ELAVL3: variants seen among roughly 807,000 people sequenced by gnomAD.
ELAVL3 encodes the protein ELAV-like protein 3.
ELAVL3 carries 8 observed loss-of-function variants against 34.2 expected under a neutral mutation model. The observed-to-expected ratio is 0.23, with a 90% confidence interval of 0.14 to 0.42. The LOEUF is 0.42. ELAVL3 is among the 10% of genes least tolerant of loss of function. The pLI, the probability that ELAVL3 is intolerant of heterozygous loss-of-function variation, is 1.00. For synonymous variants in ELAVL3, 209 were observed against 222.1 expected, an observed-to-expected ratio of 0.94 and a Z score of 0.53; for missense variants, 273 against 518.8, an observed-to-expected ratio of 0.53 and a Z score of 4.60.
chr19:11,455,103 A>G (rs1449367945), intron 6 of ELAVL3, among the ~76,000 whole-genome samples: 2 of 151,784 alleles, frequency 1.3e-5, no homozygotes, highest in African/African-American at 2.4e-5. Context: ...GGCTCAAGCA[A>G]ACCTCCCGCC....
chr19:11,464,123 G>GTCTCTCTCTCTCTCTCTCTCTCTC (rs1165917141), intron 3 of ELAVL3, among the ~76,000 whole-genome samples: 46 of 110,932 alleles, frequency 4.1e-4, no homozygotes, highest in African/African-American at 1.7e-3. Flanking sequence ...GTCTCTCTCT[G>GTCTCTCTCTCTCTCTCTCTCTCTC]TCTCTCTCTC....
chr19:11,468,199 T>C (rs77945020), intron 1 of ELAVL3, among the ~76,000 whole-genome samples: 14,730 of 152,262 alleles, frequency 0.097, 1,052 homozygotes, highest in African/African-American at 0.21. Context: ...TTTTGCTTCA[T>C]GCATAAGTTT....
At position 11,458,720 on chromosome 19, in the gene ELAVL3, G is replaced by T; in HGVS notation, c.334-109C>A. On this transcript the variant is annotated intron_variant, in intron 3 of 6. Coordinates refer to ENST00000359227, the MANE Select transcript of ELAVL3 (RefSeq NM_001420.4). This position sits in a 1 kb window ranked among gnomAD's most constrained non-coding sequence, Gnocchi z 7.3. Reference sequence around the variant, plus strand: ...CGGAGTTAGCAGAAGTGACCCATCCGTCACTCAATAAGTATCTCTAGAGTT... The same window carrying T: ...CGGAGTTAGCAGAAGTGACCCATCCTTCACTCAATAAGTATCTCTAGAGTT... 1 of 1,408,474 alleles carries T rather than the reference G, an allele frequency of 7.1e-7. No individual in the cohort carries two copies. The highest frequency in any genetic ancestry group is 9.7e-7 in the Non-Finnish European group (1 of 1,028,052). 87.2% of individuals were successfully genotyped at this position (1,408,474 alleles called of 1,614,324 possible).
In ELAVL3 at chr19:11,466,789, G is replaced by T; in HGVS notation, c.48C>A (p.Gly16=). 1 of 1,602,076 alleles carries T rather than the reference G, an allele frequency of 6.2e-7. No homozygotes were observed. The highest frequency in any genetic ancestry group is 8.5e-7 in the Non-Finnish European group (1 of 1,172,228). The change falls in exon 2 of 7, where the codon GGC becomes GGA. Residue 16 remains glycine (G), a synonymous_variant. Transcript: ENST00000359227. This position sits in a 1 kb window ranked among gnomAD's most constrained non-coding sequence, Gnocchi z 5.0. ...LGAMESQVGG[G]PAGPALPNGP... is the part of the protein sequence containing the mutation. ...CGTTGGGCAGGGCCGGGCCGGCCGG[G>T]CCCCCCCCCACCTGAGACTCCATGG...
In ELAVL3 at chr19:11,458,213, A is replaced by G. The variant is rs1389472703; in HGVS notation, c.561T>C (p.Asn187=). 1.2e-6 allele frequency: 2 copies of G among 1,613,934 alleles called. No individual in the cohort carries two copies. The highest frequency in any genetic ancestry group is 1.7e-6 in the Non-Finnish European group (2 of 1,180,024). Residue 187 remains asparagine, a synonymous_variant, in exon 5 of 7, where the codon AAT becomes AAC. Transcript: ENST00000359227. This position sits in a 1 kb window ranked among gnomAD's most constrained non-coding sequence, Gnocchi z 7.3. The stretch of plus-strand genomic sequence containing the variant: ...CAGCTGCGCCCAGCGGCTTCTGCCC[A>G]TTCAGTCCTTTGATAGCCTCTTCGG... ...IEAEEAIKGL[N]GQKPLGAAEP...
chr19:11,457,211 T>C, intron 5 of ELAVL3, 63 bp from the exon 6 acceptor site: 1 of 1,495,474 alleles, frequency 6.7e-7, no homozygotes, highest in Non-Finnish European at 8.9e-7. Context: ...TGTGACACCG[T>C]CGGCCTGCCC....
At chr19:11,470,658 A>T (rs967593664) in intron 1 of ELAVL3, among the ~76,000 whole-genome samples, 1 of 152,116 alleles carries the variant, frequency 6.6e-6, no homozygotes, top group Non-Finnish European at 1.5e-5. Flanking sequence ...CCTGGGCAAC[A>T]AGAGCGAAAC....
chr19:11,465,957 C>A (rs1419720532), intron 3 of ELAVL3, among the ~76,000 whole-genome samples: 2 of 152,136 alleles, frequency 1.3e-5, no homozygotes, highest in African/African-American at 4.8e-5. Context: ...CCAGTACTGT[C>A]CCCATTGACA....
chr19:11,457,901 G>T (rs1332396393), intron 5 of ELAVL3, among the ~76,000 whole-genome samples, 160 bp downstream of exon 5: 2 of 152,350 alleles, frequency 1.3e-5, no homozygotes, highest in South Asian at 4.1e-4. Flanking sequence ...AGGGCCTGCT[G>T]TATATGAGTG....
intron 3 of ELAVL3, among the ~76,000 whole-genome samples, chr19:11,465,428 G>T: frequency 6.6e-6 from 1 of 152,046 alleles, no homozygotes. Context: ...ACTGGGGTCT[G>T]GGGTCCTCAT....
At chr19:11,479,802 G>T (rs867205411) in intron 1 of ELAVL3, among the ~76,000 whole-genome samples, 22 of 151,826 alleles carry the variant, frequency 1.4e-4, no homozygotes, top group African/African-American at 5.3e-4. Context: ...GGCGGGCCGC[G>T]CTCAAGGTCA....
At chr19:11,464,714 ACACACACACAT>A (rs1259715649) in intron 3 of ELAVL3, among the ~76,000 whole-genome samples, 1 of 133,334 alleles carries the variant, frequency 7.5e-6, no homozygotes, top group African/African-American at 3.0e-5. Context: ...CACACACCAC[ACACACACACAT>A]CACACACACA....
In ELAVL3 at chr19:11,458,939, A is replaced by T. The variant is rs1279420855; in HGVS notation, c.334-328T>A. Among the ~76,000 whole-genome samples the T allele has an allele frequency of 1.3e-5, 2 of 149,072 alleles. No individual in the cohort carries two copies. The highest frequency in any genetic ancestry group is 5.1e-5 in the African/African-American group (2 of 39,598). ...CTATCACATGCTTGACAGTCCATCA[A>T]CAAACATTGACCTTTTTTTTTTTTT... On this transcript the variant is annotated intron_variant, in intron 3 of 6. Transcript: ENST00000359227. This position sits in a 1 kb window ranked among gnomAD's most constrained non-coding sequence, Gnocchi z 7.3.
rs1970719219 is a variant in ELAVL3 at position 11,454,297 on chromosome 19, T to C, written c.*229A>G. 3.7e-6 allele frequency: 2 copies of C among 535,644 alleles called. No homozygotes were observed. Among genetic ancestry groups the C allele is most frequent in the South Asian group, 2.7e-5 (1 of 36,424 alleles). 33.2% of individuals were successfully genotyped at this position (535,644 alleles called of 1,614,324 possible). On this transcript the variant is annotated 3_prime_UTR_variant, in exon 7 of 7. Coordinates refer to ENST00000359227, the MANE Select transcript of ELAVL3 (RefSeq NM_001420.4). This position sits in a 1 kb window ranked among gnomAD's most constrained non-coding sequence, Gnocchi z 9.2. ...AGAGAGTGAACAGCCCAGCCTGGGG[T>C]GGGGGCAGGAGGATGGGGCGGGGGA...
chr19:11,475,792 T>A (rs1373319220), intron 1 of ELAVL3, among the ~76,000 whole-genome samples: 2 of 151,990 alleles, frequency 1.3e-5, no homozygotes, highest in Non-Finnish European at 2.9e-5. Context: ...TTTTTGTATT[T>A]TTAGTAGAGA....
chr19:11,458,762 G>T lies in ELAVL3; in HGVS notation c.334-151C>A. On this transcript the variant is annotated intron_variant, in intron 3 of 6. Transcript: ENST00000359227. This position sits in a 1 kb window ranked among gnomAD's most constrained non-coding sequence, Gnocchi z 7.3. ...TCTAGAGTTGTCACCGTGGGGTGGG[G>T]CTGAGTCAGATATGGGAGAGGGGAC... The T allele has an allele frequency of 9.4e-7, 1 of 1,062,226 alleles. No homozygotes were observed. The highest frequency in any genetic ancestry group is 1.3e-6 in the Non-Finnish European group (1 of 740,754). The allele number at this position is 1,062,226 out of a possible 1,614,324, so 65.8% of individuals were successfully genotyped here.
chr19:11,466,758 G>C lies in ELAVL3; in HGVS notation c.79C>G (p.Leu27Val). 1 of 1,614,172 alleles carries C rather than the reference G, an allele frequency of 6.2e-7. No individual in the cohort carries two copies. Among genetic ancestry groups the C allele is most frequent in the Non-Finnish European group, 8.5e-7 (1 of 1,180,024 alleles). Residue 27 changes from leucine (L) to valine (V), a missense_variant, in exon 2 of 7, where the codon CTC (leucine) becomes GTC (valine). Transcript: ENST00000359227. The surrounding 1 kb of genome is among the most constrained non-coding windows in gnomAD (Gnocchi z 5.0). ...TCAGTGGCTCCATTTGTACCAAGGA[G>C]TGGCCCGTTGGGCAGGGCCGGGCCG... ...PAGPALPNGP[L>V]LGTNGATDDS...
At chr19:11,465,212 ACACACAC>A (rs1971018080) in intron 3 of ELAVL3, among the ~76,000 whole-genome samples, 2 of 141,278 alleles carry the variant, frequency 1.4e-5, no homozygotes, top group African/African-American at 2.7e-5. Context: ...ACACACATAC[ACACACAC>A]CACACACATA....
chr19:11,463,546 A>G (rs996467087), intron 3 of ELAVL3, among the ~76,000 whole-genome samples: 8 of 152,140 alleles, frequency 5.3e-5, no homozygotes, highest in African/African-American at 1.9e-4. Context: ...CCCTCAGAGC[A>G]GGGCACAGGT....
Sources: allele counts gnomAD v4.1 joint callset (sites outside exome capture counted in the v4.1 genomes callset), GRCh38; gene constraint gnomAD v4.1.1; non-coding constraint Gnocchi (gnomAD v3.1); transcripts MANE v1.5; gene names NCBI Gene and HGNC (gene_info 2026-07-23, HGNC 2026-07-21).